GCNT4: variants seen among roughly 807,000 people sequenced by gnomAD.
The protein encoded by GCNT4 is beta-1,3-galactosyl-O-glycosyl-glycoprotein beta-1,6-N-acetylglucosaminyltransferase 4.
In GCNT4, 17 loss-of-function variants were observed where a neutral mutation model predicts 31.3. The ratio of observed to expected loss-of-function variants is 0.54; its 90% CI spans 0.37 to 0.81. The LOEUF is 0.81. GCNT4 is among the 40% of genes least tolerant of loss of function. The probability of loss-of-function intolerance (pLI) is 0.00; values close to 1 mark genes in which losing one functional copy is unlikely to be tolerated. For synonymous variants in GCNT4, 158 were observed against 190.6 expected, an observed-to-expected ratio of 0.83 and a Z score of 1.41; for missense variants, 503 against 525.5, an observed-to-expected ratio of 0.96 and a Z score of 0.42.
At position 75,029,282 on chromosome 5, in the gene GCNT4, C is replaced by G; in HGVS notation, c.756G>C (p.Leu252Phe). The change falls in exon 4 of 4, where the codon TTG becomes TTC. Residue 252 changes from leucine to phenylalanine, a missense_variant. Transcript: ENST00000652361. Reference protein sequence around the residue: ...ELKKLNGANMLETVKPPNSKL... With the variant: ...ELKKLNGANMFETVKPPNSKL... Reference sequence around the variant, plus strand: ...TACTGTTTGGGGGTTTCACCGTCTCCAACATATTTGCTCCATTGAGTTTTT... The same window carrying G: ...TACTGTTTGGGGGTTTCACCGTCTCGAACATATTTGCTCCATTGAGTTTTT... 4 of 1,614,080 alleles carry G rather than the reference C, an allele frequency of 2.5e-6. No homozygotes were observed. Among genetic ancestry groups the G allele is most frequent in the Non-Finnish European group, 3.4e-6 (4 of 1,180,004 alleles).
chr5:75,038,492 T>C (rs1743248184), intron 3 of GCNT4, among the ~76,000 whole-genome samples: 2 of 152,174 alleles, frequency 1.3e-5, no homozygotes, highest in African/African-American at 4.8e-5. Flanking sequence ...TGAAATATCT[T>C]AGACTGAATA....
chr5:75,019,749 G>T, the GCNT4 span, among the ~76,000 whole-genome samples: 3 of 152,206 alleles, frequency 2.0e-5, no homozygotes, highest in East Asian at 3.9e-4. Context: ...TATACACAAG[G>T]AGCTGAGACA....
At chr5:75,030,147 A>G in intron 3 of GCNT4, 109 bp from the exon 4 acceptor site, 1 of 973,754 alleles carries the variant, frequency 1.0e-6, no homozygotes, top group Middle Eastern at 3.4e-4. Context: ...GCTGCCCCAA[A>G]GATGAATGAA....
the GCNT4 span, among the ~76,000 whole-genome samples, chr5:75,018,000 G>T: frequency 6.6e-6 from 1 of 152,192 alleles, no homozygotes; most frequent in East Asian, 1.9e-4. Flanking sequence ...GAGCTTGTTA[G>T]AAATGCAGCA....
intron 3 of GCNT4, among the ~76,000 whole-genome samples, chr5:75,041,643 T>C (rs540416204): frequency 1.3e-5 from 2 of 152,298 alleles, no homozygotes; most frequent in African/African-American, 4.8e-5. Flanking sequence ...TACCCACGCA[T>C]AGACCTCTCA....
At position 75,026,803 on chromosome 5, in the gene GCNT4, G is replaced by C. The variant is rs957698588; in HGVS notation, c.*1873C>G. 1 of 152,080 alleles carries C rather than the reference G, an allele frequency of 6.6e-6. No individual in the cohort carries two copies. Among genetic ancestry groups the C allele is most frequent in the Admixed American group, 6.6e-5 (1 of 15,258 alleles). The allele number at this position is 152,080 out of a possible 1,614,324, so 9.4% of individuals were successfully genotyped here. On this transcript the variant is annotated 3_prime_UTR_variant, in exon 4 of 4. Coordinates refer to ENST00000652361, the MANE Select transcript of GCNT4 (RefSeq NM_001366737.1). ...AGTGAACTGGTATGGATCTTTTGCA[G>C]AACTTGGCTCTATACAATGTTTACT...
In GCNT4 at chr5:75,027,909, A is replaced by C. The variant is rs1742983327; in HGVS notation, c.*767T>G. The C allele has an allele frequency of 6.6e-6, 1 of 150,980 alleles. No homozygotes were observed. Among genetic ancestry groups the C allele is most frequent in the Non-Finnish European group, 1.5e-5 (1 of 68,026 alleles). 9.4% of individuals were successfully genotyped at this position (150,980 alleles called of 1,614,324 possible). A position where few individuals can be genotyped will look rare whatever the true frequency, so the allele number is the denominator to read the frequency against. ...TAAATGCATTTTAAAGAAACAGTTG[A>C]ACTAAAAAGGAGGCCATTCATGATA... On this transcript the variant is annotated 3_prime_UTR_variant, in exon 4 of 4. Coordinates refer to ENST00000652361, the MANE Select transcript of GCNT4 (RefSeq NM_001366737.1).
chr5:75,029,363 G>C lies in GCNT4; in HGVS notation c.675C>G (p.Asn225Lys), dbSNP rs748786240. The C allele has an allele frequency of 1.2e-6, 2 of 1,614,096 alleles. No individual in the cohort carries two copies. The highest frequency in any genetic ancestry group is 4.5e-5 in the East Asian group (2 of 44,880). Residue 225 changes from asparagine (N) to lysine (K), a missense_variant, in exon 4 of 4, where the codon AAC becomes AAG. Physicochemically the swap from Asn to Lys is moderately conservative, Grantham distance 94. Transcript: ENST00000652361. ...KSSIQWKYVI[N>K]LCGQDFPLKS... ...TCAGGGGAAAATCTTGCCCACACAA[G>C]TTGATAACATATTTCCACTGGATTG...
chr5:75,022,243 A>T (rs562548165), downstream of GCNT4, among the ~76,000 whole-genome samples: 1 of 152,326 alleles, frequency 6.6e-6, no homozygotes, highest in East Asian at 1.9e-4. Context: ...GGTTGAAAAC[A>T]ATTTTAGGAG....
chr5:75,029,553 A>G lies in GCNT4; in HGVS notation c.485T>C (p.Ile162Thr), dbSNP rs1219686928. The G allele has an allele frequency of 6.2e-7, 1 of 1,614,154 alleles. No homozygotes were observed. The highest frequency in any genetic ancestry group is 8.5e-7 in the Non-Finnish European group (1 of 1,180,034). ...AIYNQHNIYC[I>T]HYDRKAPDTF... ...ATCAGGTGCCTTACGATCATAATGG[A>G]TGCAGTAAATATTGTGCTGGTTGTA... is the stretch of plus-strand genomic sequence containing the variant. The change falls in exon 4 of 4, where the codon ATC becomes ACC. Residue 162 changes from isoleucine to threonine, a missense_variant. Ile to Thr is a moderately conservative substitution (Grantham distance 89, BLOSUM62 -1). Coordinates refer to ENST00000652361, the MANE Select transcript of GCNT4 (RefSeq NM_001366737.1).
chr5:75,043,324 G>A (rs1436093681), intron 3 of GCNT4, among the ~76,000 whole-genome samples: 1 of 152,114 alleles, frequency 6.6e-6, no homozygotes, highest in African/African-American at 2.4e-5. Context: ...CCATAGGTAA[G>A]GGTTTTACAT....
At chr5:75,039,631 C>T (rs999361250) in intron 3 of GCNT4, among the ~76,000 whole-genome samples, 1 of 152,192 alleles carries the variant, frequency 6.6e-6, no homozygotes, top group Non-Finnish European at 1.5e-5. Context: ...CAATTCGAGA[C>T]TGCCTTTCCA....
chr5:75,046,015 A>G (rs1311097239), intron 3 of GCNT4, among the ~76,000 whole-genome samples: 2 of 152,168 alleles, frequency 1.3e-5, no homozygotes, highest in East Asian at 3.9e-4. Flanking sequence ...TTCAATGTTC[A>G]ACATCAGTTG....
At position 75,028,515 on chromosome 5, in the gene GCNT4, T is replaced by C. The variant is rs968425639; in HGVS notation, c.*161A>G. The C allele has an allele frequency of 2.6e-5, 17 of 654,072 alleles. No individual in the cohort carries two copies. The highest frequency in any genetic ancestry group is 4.2e-5 in the Non-Finnish European group (17 of 404,266). 40.5% of individuals were successfully genotyped at this position (654,072 alleles called of 1,614,324 possible). Reference sequence around the variant, plus strand: ...AAAAACCTAGCCAACTGCAGGCTAATAACATCAAAGGCTAGATCACTTTCC... The same window carrying C: ...AAAAACCTAGCCAACTGCAGGCTAACAACATCAAAGGCTAGATCACTTTCC... On this transcript the variant is annotated 3_prime_UTR_variant, in exon 4 of 4. Coordinates refer to ENST00000652361, the MANE Select transcript of GCNT4 (RefSeq NM_001366737.1).
At chr5:75,030,182 T>C in intron 3 of GCNT4, 144 bp from the exon 4 acceptor site, 1 of 723,662 alleles carries the variant, frequency 1.4e-6, no homozygotes, top group Non-Finnish European at 2.3e-6. Context: ...CTTGAAAGAA[T>C]CCAGAAATAA....
rs1053021581 is a variant in GCNT4 at position 75,026,755 on chromosome 5, T to C, written c.*1921A>G. ...TGAGGTTCATAGAGACCAAAGTGAC[T>C]TACCTGTCCACAGTCGCACACGAGT... On this transcript the variant is annotated 3_prime_UTR_variant, in exon 4 of 4. Transcript: ENST00000652361. 7 of 151,616 alleles carry C rather than the reference T, an allele frequency of 4.6e-5. No homozygotes were observed. The highest frequency in any genetic ancestry group is 1.0e-4 in the Non-Finnish European group (7 of 67,948). The allele number at this position is 151,616 out of a possible 1,614,324, so 9.4% of individuals were successfully genotyped here.
chr5:75,040,771 A>G (rs1025262108), intron 3 of GCNT4, among the ~76,000 whole-genome samples: 3 of 152,212 alleles, frequency 2.0e-5, no homozygotes, highest in Non-Finnish European at 4.4e-5. Flanking sequence ...AAAACAGTAC[A>G]TTCATTATTC....
downstream of GCNT4, chr5:75,025,332 A>ATAAAGTC (rs1235060460): frequency 6.6e-6 from 1 of 152,276 alleles, no homozygotes; most frequent in Non-Finnish European, 1.5e-5. Context: ...AGGAAAGCTC[A>ATAAAGTC]TAAAGTCCAA....
chr5:75,029,176 A>T lies in GCNT4; in HGVS notation c.862T>A (p.Ser288Thr). 1 of 1,613,932 alleles carries T rather than the reference A, an allele frequency of 6.2e-7. No individual in the cohort carries two copies. Among genetic ancestry groups the T allele is most frequent in the Non-Finnish European group, 8.5e-7 (1 of 1,180,012 alleles). Residue 288 changes from serine (S) to threonine (T), a missense_variant, in exon 4 of 4, where the codon TCC (serine) becomes ACC (threonine). By Grantham distance (58) the Ser-to-Thr change is moderately conservative. Transcript: ENST00000652361. The part of the protein sequence containing the change: ...YVKLPIRTNI[S>T]KEAPPHNIQI... Reference sequence around the variant, plus strand: ...ATGTTATGGGGGGGTGCTTCCTTGGAGATGTTTGTCCTTATTGGTAGCTTC... The same window carrying T: ...ATGTTATGGGGGGGTGCTTCCTTGGTGATGTTTGTCCTTATTGGTAGCTTC...
Sources: gnomAD v4.1 joint callset for allele counts (sites outside exome capture counted in the v4.1 genomes callset) on GRCh38, gnomAD v4.1.1 for gene constraint, MANE v1.5 for transcripts, NCBI Gene and HGNC (gene_info 2026-07-23, HGNC 2026-07-21) for gene names.